The following ADAMTS17 variants were observed in gnomAD, a reference collection of about 807,000 sequenced individuals.
ADAMTS17 encodes the protein A disintegrin and metalloproteinase with thrombospondin motifs 17.
In ADAMTS17, 113 loss-of-function variants were observed where a neutral mutation model predicts 141.5. The observed-to-expected ratio is 0.80, with a 90% CI of 0.69 to 0.93. The LOEUF (loss-of-function observed/expected upper bound fraction) is 0.93, where lower values mean the gene tolerates loss of function less well. Ranked by LOEUF, ADAMTS17 falls within the 40% of genes least tolerant of loss-of-function variation. The probability of loss-of-function intolerance (pLI) is 0.00; values close to 1 mark genes in which losing one functional copy is unlikely to be tolerated. For synonymous variants in ADAMTS17, 768 were observed against 630.6 expected (o/e 1.22, Z -3.27); for missense variants, 1,659 against 1,517.9 (o/e 1.09, Z -1.54).
intron 8 of ADAMTS17, among the ~76,000 whole-genome samples, chr15:100,188,684 G>A (rs961960790): frequency 6.6e-6 from 1 of 152,172 alleles, no homozygotes; most frequent in Non-Finnish European, 1.5e-5. Context: ...TGACAGGTAG[G>A]ATCAGTGGTG....
chr15:100,101,314 G>A (rs968258682), intron 14 of ADAMTS17, among the ~76,000 whole-genome samples: 6 of 152,178 alleles, frequency 3.9e-5, no homozygotes, highest in Non-Finnish European at 8.8e-5. Context: ...GATCACGTTT[G>A]TGAGCTGACA....
At chr15:100,262,303 A>G (rs1596387455) in intron 5 of ADAMTS17, 49 bp downstream of exon 5, 1 of 1,555,636 alleles carries the variant, frequency 6.4e-7, no homozygotes, top group Non-Finnish European at 8.9e-7. Flanking sequence ...GAGAAGCTCC[A>G]GCCCAGCCAC....
rs114908721 is a variant in ADAMTS17, at chr15:100,032,723, T to C, written c.2591+16134A>G. 4.6e-3 allele frequency among the ~76,000 whole-genome samples: 704 copies of C among 152,302 alleles called. 5 individuals are homozygous for C. The highest frequency in any genetic ancestry group is 0.016 in the African/African-American group (654 of 41,566). The stretch of plus-strand genomic sequence containing the variant: ...ACGAGAAAGCAGAAAGTATGTAAGA[T>C]TTAAAGGAGGAAAACATTGTTTTGC... On this transcript the variant is annotated intron_variant, in intron 18 of 21. Coordinates refer to ENST00000268070, the MANE Select transcript of ADAMTS17 (RefSeq NM_139057.4).
At chr15:100,299,967 G>T (rs2044970558) in intron 3 of ADAMTS17, among the ~76,000 whole-genome samples, 1 of 152,198 alleles carries the variant, frequency 6.6e-6, no homozygotes, top group African/African-American at 2.4e-5. Context: ...CACAGGTGGT[G>T]TTCAGTCATT....
chr15:100,109,191 G>C, intron 13 of ADAMTS17, 75 bp from the exon 14 acceptor site: 1 of 1,549,266 alleles, frequency 6.5e-7, no homozygotes, highest in Non-Finnish European at 8.7e-7. Flanking sequence ...GTACATGTGG[G>C]CAGAGGGAAA....
At chr15:100,277,581 GCCAAGC>G (rs2044142629) in intron 4 of ADAMTS17, among the ~76,000 whole-genome samples, 1 of 152,222 alleles carries the variant, frequency 6.6e-6, no homozygotes, top group Non-Finnish European at 1.5e-5. Flanking sequence ...CTGGTGCAGA[GCCAAGC>G]CCCTCCAGCC....
intron 15 of ADAMTS17, among the ~76,000 whole-genome samples, chr15:100,058,021 C>G (rs1179303718): frequency 6.6e-6 from 1 of 151,986 alleles, no homozygotes; most frequent in Non-Finnish European, 1.5e-5. Flanking sequence ...ACTATTACAG[C>G]TTCCTATAAA....
chr15:100,172,665 T>C (rs569014768), intron 8 of ADAMTS17, among the ~76,000 whole-genome samples: 2 of 152,290 alleles, frequency 1.3e-5, no homozygotes, highest in Admixed American at 1.3e-4. Context: ...CTCTTTAAAA[T>C]AGCCAATCGG....
At chr15:100,319,166 G>A (rs1016342264) in intron 3 of ADAMTS17, among the ~76,000 whole-genome samples, 1 of 152,238 alleles carries the variant, frequency 6.6e-6, no homozygotes, top group African/African-American at 2.4e-5. Context: ...ATAGCACTGG[G>A]GGCAGGGGGT....
intron 13 of ADAMTS17, among the ~76,000 whole-genome samples, chr15:100,116,148 A>AC (rs869159418): frequency 2.1e-5 from 3 of 142,424 alleles, no homozygotes; most frequent in African/African-American, 8.7e-5. Flanking sequence ...AAAAAAAAAA[A>AC]AAAAAAAAAA....
At chr15:100,201,099 T>C (rs1355067461) in intron 7 of ADAMTS17, among the ~76,000 whole-genome samples, 2 of 152,212 alleles carry the variant, frequency 1.3e-5, no homozygotes, top group African/African-American at 4.8e-5. Flanking sequence ...TCTTTGCTGA[T>C]GTCCAAATCA....
intron 18 of ADAMTS17, among the ~76,000 whole-genome samples, chr15:100,041,677 G>A (rs2031269160): frequency 6.6e-6 from 1 of 152,198 alleles, no homozygotes; most frequent in African/African-American, 2.4e-5. Flanking sequence ...GTGTTGGTGT[G>A]TGAGATGCTG....
intron 10 of ADAMTS17, among the ~76,000 whole-genome samples, chr15:100,135,515 C>A (rs1043158031): frequency 1.3e-5 from 2 of 152,214 alleles, no homozygotes; most frequent in South Asian, 2.1e-4. Flanking sequence ...AATCTCCTGA[C>A]CTCGTGATCC....
rs112153698 is a variant in ADAMTS17, at chr15:100,121,225, T to C, written c.1722-4212A>G. 7.5e-4 allele frequency among the ~76,000 whole-genome samples: 114 copies of C among 152,026 alleles called. 2 individuals carry two copies. Among genetic ancestry groups the C allele is most frequent in the African/African-American group, 2.7e-3 (110 of 41,482 alleles). The stretch of plus-strand genomic sequence containing the variant: ...GAGATATCTGTGGGACACCATCGAG[T>C]GGATCAATGTAGGTACTAAGCGAGT... On this transcript the variant is annotated intron_variant, in intron 12 of 21. Transcript: ENST00000268070.
chr15:100,281,127 G>C (rs751036880), intron 4 of ADAMTS17, 102 bp downstream of exon 4: 10 of 1,505,118 alleles, frequency 6.6e-6, no homozygotes, highest in Middle Eastern at 2.4e-4. Flanking sequence ...CCAACCCAGC[G>C]TCTTCCTCAC....
chr15:100,171,733 C>G (rs186016973), intron 8 of ADAMTS17, among the ~76,000 whole-genome samples: 2 of 152,268 alleles, frequency 1.3e-5, no homozygotes, highest in African/African-American at 4.8e-5. Flanking sequence ...CTCAATGGCC[C>G]AGAACCTCCC....
At chr15:100,153,679 C>T (rs867103645) in intron 9 of ADAMTS17, among the ~76,000 whole-genome samples, 8 of 152,074 alleles carry the variant, frequency 5.3e-5, no homozygotes, top group Middle Eastern at 3.4e-3. Flanking sequence ...CTGGGGATTG[C>T]GAGGCTCTGG....
At chr15:100,228,785 A>G (rs575275913) in intron 7 of ADAMTS17, among the ~76,000 whole-genome samples, 2 of 152,286 alleles carry the variant, frequency 1.3e-5, no homozygotes, top group South Asian at 2.1e-4. Flanking sequence ...TGTCTGTCCA[A>G]TGGTCTGGGG....
At chr15:100,271,094 T>C (rs1469917393) in intron 4 of ADAMTS17, among the ~76,000 whole-genome samples, 5 of 152,182 alleles carry the variant, frequency 3.3e-5, no homozygotes, top group African/African-American at 1.2e-4. Context: ...TTTTTAAGGC[T>C]GAATAATATT....
Sources: allele counts gnomAD v4.1 joint callset (sites outside exome capture counted in the v4.1 genomes callset), GRCh38; gene constraint gnomAD v4.1.1; transcripts MANE v1.5; gene names NCBI Gene and HGNC (gene_info 2026-07-23, HGNC 2026-07-21).